The following ME3 variants were observed in gnomAD, a reference collection of about 807,000 sequenced individuals.
The protein encoded by ME3 is NADP-dependent malic enzyme, mitochondrial.
In ME3, 48 loss-of-function variants were observed where a neutral mutation model predicts 68.9. That is an observed-to-expected ratio of 0.70 (90% confidence interval 0.55 to 0.89). The LOEUF is 0.89. ME3 is among the 40% of genes least tolerant of loss of function. The pLI is 0.00. For synonymous variants in ME3, 320 were observed against 318.8 expected (o/e 1.00, Z -0.04); for missense variants, 675 against 797.4 (o/e 0.85, Z 1.85).
intron 2 of ME3, among the ~76,000 whole-genome samples, chr11:86,662,019 T>C (rs577036118): frequency 2.7e-4 from 41 of 152,300 alleles, no homozygotes; most frequent in African/African-American, 9.4e-4. Flanking sequence ...CAGTGATCTT[T>C]AAAGTTCTCT....
exon 13 of ME3, chr11:86,446,468 C>G: frequency 1.2e-6 from 2 of 1,614,246 alleles, no homozygotes; most frequent in Non-Finnish European, 1.7e-6. Context: ...AGGACTTCCA[C>G]TGGCAAAAAT....
intron 8 of ME3, among the ~76,000 whole-genome samples, chr11:86,455,547 C>G (rs1229330030): frequency 6.6e-6 from 1 of 152,088 alleles, no homozygotes; most frequent in Non-Finnish European, 1.5e-5. Context: ...ATCAACCTAC[C>G]TCTGCAGTGC....
At chr11:86,632,552 C>G (rs1944084780) in intron 2 of ME3, among the ~76,000 whole-genome samples, 1 of 152,218 alleles carries the variant, frequency 6.6e-6, no homozygotes, top group South Asian at 2.1e-4. Flanking sequence ...CTGCCTCCCT[C>G]AGACATTAGT....
intron 2 of ME3, among the ~76,000 whole-genome samples, chr11:86,618,573 A>G (rs1046044898): frequency 6.6e-6 from 1 of 152,080 alleles, no homozygotes; most frequent in Non-Finnish European, 1.5e-5. Flanking sequence ...TAATTTGGAT[A>G]TTTGTCCCTG....
At chr11:86,464,988 C>G (rs1950404546) in intron 8 of ME3, 103 bp downstream of exon 8, 3 of 897,010 alleles carry the variant, frequency 3.3e-6, no homozygotes, top group Non-Finnish European at 5.5e-6. Context: ...TGGCAGCAAA[C>G]CAACTATGGG....
intron 2 of ME3, among the ~76,000 whole-genome samples, chr11:86,663,042 C>T (rs1201748528): frequency 1.3e-5 from 2 of 152,184 alleles, no homozygotes. Context: ...ACAGAGACTG[C>T]CTTCTCCAGA....
chr11:86,606,488 G>A (rs7940781), intron 2 of ME3, among the ~76,000 whole-genome samples: 21,379 of 152,174 alleles, frequency 0.14, 2,026 homozygotes, highest in East Asian at 0.4. Flanking sequence ...TGGTCTGCCT[G>A]CAGCGAAGCT....
rs183315688 is a variant in ME3 at position 86,492,778 on chromosome 11, A to G, written c.705+5185T>C. 5.2e-4 allele frequency among the ~76,000 whole-genome samples: 79 copies of G among 152,362 alleles called. 1 individual carries two copies. In the East Asian group the frequency reaches 0.011, roughly 20 times the overall value. On this transcript the variant is annotated intron_variant, in intron 6 of 14. Transcript: ENST00000543262. ...CTTGGAGACAAAATGTCATGGAAAA[A>G]GAAATGGTTTCCTCCTCTTCACTGC...
chr11:86,457,777 A>T, intron 8 of ME3: 1 of 1,270,162 alleles, frequency 7.9e-7, no homozygotes. Context: ...TGGTAAAAGA[A>T]AAAGAAGTTT....
intron 2 of ME3, among the ~76,000 whole-genome samples, chr11:86,662,361 G>C (rs1246191392): frequency 6.6e-6 from 1 of 152,184 alleles, no homozygotes; most frequent in African/African-American, 2.4e-5. Flanking sequence ...GGCTGAGGTG[G>C]GAGGATCACT....
At chr11:86,550,800 G>A (rs1334369344) in intron 4 of ME3, among the ~76,000 whole-genome samples, 1 of 152,068 alleles carries the variant, frequency 6.6e-6, no homozygotes, top group Non-Finnish European at 1.5e-5. Context: ...ACCATGCCCT[G>A]GGTGTCAGGG....
intron 2 of ME3, among the ~76,000 whole-genome samples, chr11:86,623,733 A>G (rs1333528431): frequency 6.6e-6 from 1 of 152,216 alleles, no homozygotes; most frequent in Non-Finnish European, 1.5e-5. Flanking sequence ...GGCTCAGTCA[A>G]CCAGTATTTC....
intron 2 of ME3, among the ~76,000 whole-genome samples, chr11:86,596,197 A>G (rs1036561684): frequency 1.9e-4 from 29 of 152,226 alleles, no homozygotes; most frequent in African/African-American, 7.0e-4. Flanking sequence ...TTCCAATGGA[A>G]AGCATACATA....
intron 2 of ME3, among the ~76,000 whole-genome samples, chr11:86,639,999 G>A (rs1254755855): frequency 6.6e-6 from 1 of 152,154 alleles, no homozygotes; most frequent in Non-Finnish European, 1.5e-5. Context: ...GCAGAGAGTG[G>A]AGGTGAGACC....
intron 4 of ME3, among the ~76,000 whole-genome samples, chr11:86,526,934 T>G (rs915916458): frequency 2.0e-5 from 3 of 152,174 alleles, no homozygotes; most frequent in Non-Finnish European, 4.4e-5. Context: ...GCAGAAAAAC[T>G]GGCAACTCTA....
chr11:86,451,289 G>C (rs1240744164), intron 8 of ME3, among the ~76,000 whole-genome samples: 1 of 152,198 alleles, frequency 6.6e-6, no homozygotes, highest in African/African-American at 2.4e-5. Context: ...CTGGGGAAAA[G>C]GTAGGTGGAT....
rs140325352 is a variant in ME3, at chr11:86,666,213, A to G, written c.183+5549T>C. Among the ~76,000 whole-genome samples the G allele has an allele frequency of 4.8e-3, 725 of 152,330 alleles. 10 individuals carry two copies. Among genetic ancestry groups the G allele is most frequent in the African/African-American group, 0.017 (702 of 41,558 alleles). ...ATATGACCAACTTCTGGCCAACTGA[A>G]TGTAAGTAGAAGTGATATTTATAAC... On this transcript the variant is annotated intron_variant, in intron 2 of 14. Coordinates refer to ENST00000543262, the Ensembl canonical transcript of ME3.
intron 2 of ME3, among the ~76,000 whole-genome samples, chr11:86,578,337 A>G (rs1958235752): frequency 6.6e-6 from 1 of 152,200 alleles, no homozygotes; most frequent in Admixed American, 6.5e-5. Flanking sequence ...TCTTTCCTCC[A>G]GCAACACAAC....
intron 2 of ME3, among the ~76,000 whole-genome samples, chr11:86,595,702 C>G (rs577349436): frequency 6.6e-6 from 1 of 152,128 alleles, no homozygotes; most frequent in East Asian, 1.9e-4. Flanking sequence ...GACTCCAGGC[C>G]CTCACTATTT....
Sources: gnomAD v4.1 joint callset for allele counts (sites outside exome capture counted in the v4.1 genomes callset) on GRCh38, gnomAD v4.1.1 for gene constraint, MANE v1.5 for transcripts, NCBI Gene and HGNC (gene_info 2026-07-23, HGNC 2026-07-21) for gene names.